The following USP37 variants were observed in gnomAD, a reference collection of about 807,000 sequenced individuals.
USP37 encodes ubiquitin carboxyl-terminal hydrolase 37.
Under a neutral mutation model 124.0 loss-of-function variants are expected in USP37, and 27 were observed. The ratio of observed to expected loss-of-function variants is 0.22; its 90% CI spans 0.16 to 0.30. USP37 has a LOEUF of 0.30. Among genes scored for constraint, USP37 ranks in the 10% least tolerant of loss-of-function variants. The pLI is 1.00. For missense variants in USP37, 889 were observed against 1,140.4 expected (o/e 0.78, Z 3.17); for synonymous variants, 365 against 388.0 (o/e 0.94, Z 0.70).
At chr2:218,554,033 C>A (rs1226320665) in intron 4 of USP37, among the ~76,000 whole-genome samples, 2 of 152,112 alleles carry the variant, frequency 1.3e-5, no homozygotes, top group African/African-American at 2.4e-5. Flanking sequence ...TCAATAGGTT[C>A]TTGGTACTAA....
At chr2:218,503,455 G>A (rs1413916432) in intron 11 of USP37, among the ~76,000 whole-genome samples, 2 of 152,180 alleles carry the variant, frequency 1.3e-5, no homozygotes, top group African/African-American at 2.4e-5. Context: ...GGTGGCTCAC[G>A]CCTGTAATCC....
chr2:218,561,771 G>T (rs757634927), intron 2 of USP37, among the ~76,000 whole-genome samples: 1 of 151,912 alleles, frequency 6.6e-6, no homozygotes, highest in East Asian at 1.9e-4. Flanking sequence ...ACTTGTTCTC[G>T]CAATAAAATC....
At chr2:218,522,745 A>G (rs1189730340) in intron 10 of USP37, among the ~76,000 whole-genome samples, 1 of 145,270 alleles carries the variant, frequency 6.9e-6, no homozygotes, top group African/African-American at 2.4e-5. Context: ...CCTTTTCTTC[A>G]TAAAAATACA....
intron 15 of USP37, among the ~76,000 whole-genome samples, chr2:218,487,120 C>T (rs1393203496): frequency 6.6e-6 from 1 of 152,176 alleles, no homozygotes; most frequent in Non-Finnish European, 1.5e-5. Context: ...GGAATCGATT[C>T]TTGCAAATTT....
intron 10 of USP37, among the ~76,000 whole-genome samples, chr2:218,511,158 G>A (rs1252812872): frequency 7.3e-6 from 1 of 136,562 alleles, no homozygotes; most frequent in Non-Finnish European, 1.6e-5. Flanking sequence ...TTTTTTTTTT[G>A]AGACAAAGTC....
Position 218,482,171 on chromosome 2 carries a change from A to G in USP37, c.1734T>C (p.Ile578=), listed in dbSNP as rs1411936453. ...ATCTTGGAATGATGACTTGCTGCCC[A>G]ATCTTATTGTTAAGCGAGAGAGCCA... ...FNVALSLNNK[I]GQQVIIPRYL... Residue 578 remains isoleucine (I), a synonymous_variant, in exon 17 of 26, where the codon ATT becomes ATC. Transcript: ENST00000258399. 6.2e-7 allele frequency: 1 copy of G among 1,614,072 alleles called. No individual in the cohort carries two copies. The highest frequency in any genetic ancestry group is 8.5e-7 in the Non-Finnish European group (1 of 1,179,966).
At chr2:218,558,715 G>C in intron 3 of USP37, 38 bp from the exon 4 acceptor site, 1 of 1,444,180 alleles carries the variant, frequency 6.9e-7, no homozygotes, top group East Asian at 2.3e-5. Context: ...TACCTGGCAG[G>C]TTCTAAGGAA....
chr2:218,487,610 C>T (rs921244737), intron 15 of USP37, among the ~76,000 whole-genome samples: 2 of 151,516 alleles, frequency 1.3e-5, no homozygotes, highest in Admixed American at 6.6e-5. Flanking sequence ...TAGTAGAGAC[C>T]GGGTTTCACC....
intron 3 of USP37, among the ~76,000 whole-genome samples, chr2:218,559,859 A>G (rs900801661): frequency 2.0e-5 from 3 of 152,150 alleles, no homozygotes; most frequent in Admixed American, 6.6e-5. Flanking sequence ...GTGCTCCTGT[A>G]GCTCCAACTA....
chr2:218,479,515 C>T, intron 18 of USP37, 135 bp downstream of exon 18: 1 of 693,364 alleles, frequency 1.4e-6, no homozygotes, highest in Non-Finnish European at 2.4e-6. Context: ...AGGAAAGTTT[C>T]AAAAGTATAG....
chr2:218,455,747 G>T (rs774962609), intron 24 of USP37, 29 bp from the exon 25 acceptor site: 1 of 1,608,768 alleles, frequency 6.2e-7, no homozygotes, highest in Non-Finnish European at 8.5e-7. Flanking sequence ...TAAAATCAAG[G>T]TTTTTAAAAA....
At chr2:218,469,208 A>T (rs981003644) in intron 20 of USP37, among the ~76,000 whole-genome samples, 2 of 152,208 alleles carry the variant, frequency 1.3e-5, no homozygotes, top group Non-Finnish European at 2.9e-5. Flanking sequence ...TTAAACACAC[A>T]AAAAACAATT....
chr2:218,515,852 A>G (rs1008645287), intron 10 of USP37, among the ~76,000 whole-genome samples: 1 of 152,214 alleles, frequency 6.6e-6, no homozygotes, highest in Non-Finnish European at 1.5e-5. Context: ...AAGAAAAACC[A>G]AACAATCCCA....
At position 218,479,708 on chromosome 2, in the gene USP37, G is replaced by T; in HGVS notation, c.1843C>A (p.Pro615Thr). The T allele has an allele frequency of 6.3e-7, 1 of 1,593,986 alleles. No individual in the cohort carries two copies. Among genetic ancestry groups the T allele is most frequent in the Non-Finnish European group, 8.5e-7 (1 of 1,171,526 alleles). The change falls in exon 18 of 26, where the codon CCA becomes ACA. Residue 615 changes from proline (P) to threonine (T), a missense_variant. Pro to Thr is a conservative substitution (Grantham distance 38). Coordinates refer to ENST00000258399, the MANE Select transcript of USP37 (RefSeq NM_020935.3). ...TTCACCATTTGAGAGGCTTTCAATG[G>T]TCTAGAACTATCAGAAAATTAGAAA... Reference protein sequence around the residue: ...GWSAHMAISRPLKASQMVNSC... With the variant: ...GWSAHMAISRTLKASQMVNSC...
At chr2:218,560,633 A>G (rs1183409848) in intron 3 of USP37, among the ~76,000 whole-genome samples, 187 bp downstream of exon 3, 1 of 152,220 alleles carries the variant, frequency 6.6e-6, no homozygotes, top group Non-Finnish European at 1.5e-5. Context: ...AGCAGGCAAA[A>G]TTTGAACAAT....
chr2:218,565,142 C>T (rs969177609), intron 1 of USP37, among the ~76,000 whole-genome samples: 3 of 152,284 alleles, frequency 2.0e-5, no homozygotes, highest in East Asian at 1.9e-4. Flanking sequence ...AGGCTGGTAT[C>T]GAACTCCGGG....
At chr2:218,536,946 G>A (rs140384621) in intron 8 of USP37, among the ~76,000 whole-genome samples, 177 of 152,234 alleles carry the variant, frequency 1.2e-3, no homozygotes, top group African/African-American at 4.0e-3. Context: ...GAAGGATAGG[G>A]CTCACGCAGT....
At chr2:218,497,986 A>G (rs1223714865) in intron 12 of USP37, 40 bp downstream of exon 12, 2 of 1,569,560 alleles carry the variant, frequency 1.3e-6, no homozygotes. Context: ...TAATCAATGA[A>G]GTAAAAGGTT....
intron 17 of USP37, among the ~76,000 whole-genome samples, chr2:218,480,221 A>C (rs1199237450): frequency 1.3e-5 from 2 of 151,350 alleles, no homozygotes; most frequent in Non-Finnish European, 2.9e-5. Flanking sequence ...ACATAGTGAA[A>C]ACCCGTTTCT....
Sources: gnomAD v4.1 joint callset for allele counts (sites outside exome capture counted in the v4.1 genomes callset) on GRCh38, gnomAD v4.1.1 for gene constraint, MANE v1.5 for transcripts, NCBI Gene and HGNC (gene_info 2026-07-23, HGNC 2026-07-21) for gene names.